GPC6: variants seen among roughly 807,000 people sequenced by gnomAD.
The protein encoded by GPC6 is glypican 6.
GPC6 carries 14 observed loss-of-function variants against 55.2 expected under a neutral mutation model. That is an observed-to-expected ratio of 0.25 (90% confidence interval 0.17 to 0.40). The LOEUF is 0.40. GPC6 is among the 10% of genes least tolerant of loss of function. The pLI is 1.00. For synonymous variants in GPC6, 278 were observed against 259.6 expected (o/e 1.07, Z -0.68); for missense variants, 641 against 708.5 (o/e 0.90, Z 1.08).
chr13:93,679,283 A>G (rs1425384542), intron 2 of GPC6, among the ~76,000 whole-genome samples: 1 of 152,152 alleles, frequency 6.6e-6, no homozygotes, highest in African/African-American at 2.4e-5. Context: ...CTGTGGACCA[A>G]TAATGGGAAA....
intron 2 of GPC6, among the ~76,000 whole-genome samples, chr13:93,598,719 C>T (rs1877878223): frequency 6.6e-6 from 1 of 152,150 alleles, no homozygotes; most frequent in Non-Finnish European, 1.5e-5. Flanking sequence ...CTCATGACTG[C>T]AAAATTCTAT....
At chr13:94,254,329 G>A (rs943914087) in intron 4 of GPC6, among the ~76,000 whole-genome samples, 4 of 152,048 alleles carry the variant, frequency 2.6e-5, no homozygotes, top group Admixed American at 2.6e-4. Flanking sequence ...TTGAAGAAAT[G>A]TTTCCCTAGT....
At chr13:94,253,762 A>T (rs1022510950) in intron 4 of GPC6, among the ~76,000 whole-genome samples, 4 of 152,142 alleles carry the variant, frequency 2.6e-5, no homozygotes, top group Admixed American at 2.6e-4. Context: ...GCTTGTGATG[A>T]TGGCAAAATG....
chr13:93,405,173 C>G (rs1378882553), intron 1 of GPC6, among the ~76,000 whole-genome samples: 1 of 152,050 alleles, frequency 6.6e-6, no homozygotes. Flanking sequence ...CCTGTGCCAC[C>G]CCCTCCTTCA....
At chr13:93,244,794 A>G (rs1355586614) in intron 1 of GPC6, among the ~76,000 whole-genome samples, 1 of 140,292 alleles carries the variant, frequency 7.1e-6, no homozygotes, top group African/African-American at 2.9e-5. Flanking sequence ...ACAGTATCCA[A>G]AGTTTCTTTC....
intron 6 of GPC6, among the ~76,000 whole-genome samples, chr13:94,315,472 A>T (rs1382104820): frequency 6.6e-6 from 1 of 152,168 alleles, no homozygotes; most frequent in Non-Finnish European, 1.5e-5. Flanking sequence ...GGAAATGGAG[A>T]ATGTGGCAAA....
At chr13:93,479,413 T>C (rs925762639) in intron 1 of GPC6, among the ~76,000 whole-genome samples, 4 of 152,142 alleles carry the variant, frequency 2.6e-5, no homozygotes, top group African/African-American at 9.7e-5. Context: ...AGCAGGATTG[T>C]ATGTAGCTAC....
At chr13:94,334,942 A>G (rs17175280) in intron 6 of GPC6, among the ~76,000 whole-genome samples, 8,232 of 152,314 alleles carry the variant, frequency 0.054, 355 homozygotes, top group South Asian at 0.19. Flanking sequence ...AGGTATGTGA[A>G]GGCAGTCAAA....
In GPC6 at chr13:93,494,834, G is replaced by A. The variant is rs1217314645; in HGVS notation, c.161-50429G>A. Among the ~76,000 whole-genome samples the A allele has an allele frequency of 2.7e-5, 4 of 148,770 alleles. No homozygotes were observed. The East Asian group carries it at 8.3e-4, about 31-fold the overall frequency. The stretch of plus-strand genomic sequence containing the variant: ...CTGGGTTGAAAATTCTTTTCTTTAA[G>A]AATGTTGAATATTGGCCCCCACTCT... On this transcript the variant is annotated intron_variant, in intron 1 of 8. Transcript: ENST00000377047.
intron 4 of GPC6, among the ~76,000 whole-genome samples, chr13:94,195,984 C>G (rs188883103): frequency 6.6e-6 from 1 of 152,206 alleles, no homozygotes; most frequent in East Asian, 1.9e-4. Context: ...AATGTTTGCT[C>G]AGTGTGCTGG....
At chr13:93,574,364 C>T (rs1057428505) in intron 2 of GPC6, among the ~76,000 whole-genome samples, 3 of 152,048 alleles carry the variant, frequency 2.0e-5, no homozygotes, top group African/African-American at 7.2e-5. Context: ...ATTGGTGTAT[C>T]GTGTCTACAA....
intron 1 of GPC6, among the ~76,000 whole-genome samples, chr13:93,318,968 C>A (rs1016009185): frequency 6.6e-6 from 1 of 152,112 alleles, no homozygotes; most frequent in African/African-American, 2.4e-5. Flanking sequence ...AGACATTGAA[C>A]TTAGAGAGGT....
In GPC6 at chr13:93,806,405, G is replaced by A. The variant is rs559802609; in HGVS notation, c.320-23749G>A. 1.5e-3 allele frequency among the ~76,000 whole-genome samples: 224 copies of A among 152,188 alleles called. 1 individual carries two copies. The highest frequency in any genetic ancestry group is 5.2e-3 in the African/African-American group (216 of 41,530). On this transcript the variant is annotated intron_variant, in intron 2 of 8. Coordinates refer to ENST00000377047, the MANE Select transcript of GPC6 (RefSeq NM_005708.5). Reference sequence around the variant, plus strand: ...CAGGCTGGAGGGCAATGGCGCAGTCGCGGCTCACTGCAACCTCTGCCTCCT... The same window carrying A: ...CAGGCTGGAGGGCAATGGCGCAGTCACGGCTCACTGCAACCTCTGCCTCCT...
At chr13:94,397,168 G>T (rs1416609280) in intron 7 of GPC6, among the ~76,000 whole-genome samples, 2 of 152,070 alleles carry the variant, frequency 1.3e-5, no homozygotes, top group South Asian at 2.1e-4. Flanking sequence ...GGAAAGAAGG[G>T]CATTGGGGAG....
chr13:93,720,503 C>A (rs1883416611), intron 2 of GPC6, among the ~76,000 whole-genome samples: 3 of 151,942 alleles, frequency 2.0e-5, no homozygotes, highest in South Asian at 4.2e-4. Flanking sequence ...TTTTGTTAAT[C>A]TTTTCAAGAA....
chr13:94,159,030 G>A (rs190092827), intron 4 of GPC6, among the ~76,000 whole-genome samples: 2 of 152,054 alleles, frequency 1.3e-5, no homozygotes, highest in East Asian at 1.9e-4. Flanking sequence ...GCTTTCCTCC[G>A]ACCTGGCATG....
chr13:93,244,804 C>T (rs1291806364), intron 1 of GPC6, among the ~76,000 whole-genome samples: 1 of 152,214 alleles, frequency 6.6e-6, no homozygotes, highest in Non-Finnish European at 1.5e-5. Context: ...AAGTTTCTTT[C>T]ACTTTTTCTC....
chr13:93,824,397 C>T (rs765543436), intron 2 of GPC6, among the ~76,000 whole-genome samples: 37 of 152,160 alleles, frequency 2.4e-4, no homozygotes, highest in Non-Finnish European at 5.0e-4. Context: ...ATGTAGCATG[C>T]TGGGCATTGC....
At chr13:94,099,677 T>C (rs551855065) in intron 4 of GPC6, among the ~76,000 whole-genome samples, 2 of 152,316 alleles carry the variant, frequency 1.3e-5, no homozygotes, top group East Asian at 3.9e-4. Flanking sequence ...TATCTTTTTT[T>C]ATTGGAAGGC....
Sources: allele counts gnomAD v4.1 joint callset (sites outside exome capture counted in the v4.1 genomes callset), GRCh38; gene constraint gnomAD v4.1.1; transcripts MANE v1.5; gene names NCBI Gene and HGNC (gene_info 2026-07-23, HGNC 2026-07-21).